PDIA5: variants seen among roughly 807,000 people sequenced by gnomAD.
PDIA5 encodes the protein protein disulfide-isomerase A5.
A neutral mutation model predicts 77.6 loss-of-function variants in PDIA5; 58 were observed. The ratio of observed to expected loss-of-function variants is 0.75; its 90% CI spans 0.61 to 0.93. The LOEUF is 0.93. PDIA5 is among the 40% of genes least tolerant of loss of function. PDIA5 has a pLI of 0.00. For missense variants in PDIA5, 630 were observed against 647.7 expected, an observed-to-expected ratio of 0.97 and a Z score of 0.30; for synonymous variants, 250 against 252.1, an observed-to-expected ratio of 0.99 and a Z score of 0.08.
At chr3:123,102,873 G>A (rs1292447666) in intron 5 of PDIA5, 77 bp downstream of exon 5, 1 of 905,338 alleles carries the variant, frequency 1.1e-6, no homozygotes, top group Non-Finnish European at 1.9e-6. Context: ...TTCTCTCTGA[G>A]AAAAGAAAGG....
At chr3:123,142,715 G>T (rs115744720) in intron 11 of PDIA5, among the ~76,000 whole-genome samples, 2 of 152,118 alleles carry the variant, frequency 1.3e-5, no homozygotes, top group South Asian at 2.1e-4. Context: ...GGCAGCCTCT[G>T]GGGGGGCCGA....
At chr3:123,148,210 A>G (rs1935811692) in intron 13 of PDIA5, among the ~76,000 whole-genome samples, 1 of 152,144 alleles carries the variant, frequency 6.6e-6, no homozygotes, top group Admixed American at 6.5e-5. Context: ...AGACTTGTCT[A>G]GGGAATTAAA....
At chr3:123,072,902 A>G (rs1158493936) in intron 1 of PDIA5, among the ~76,000 whole-genome samples, 1 of 101,908 alleles carries the variant, frequency 9.8e-6, no homozygotes, top group Non-Finnish European at 2.0e-5. Flanking sequence ...TTTGCCCCCT[A>G]CCTCTCCTTC....
intron 3 of PDIA5, among the ~76,000 whole-genome samples, chr3:123,100,589 T>G (rs1198200125): frequency 6.6e-6 from 1 of 152,168 alleles, no homozygotes; most frequent in Non-Finnish European, 1.5e-5. Flanking sequence ...CAGCGATGGC[T>G]AGACAGCTGG....
Position 123,146,220 on chromosome 3 carries a change from T to A in PDIA5, c.1103T>A (p.Val368Glu), listed in dbSNP as rs763440197. The A allele has an allele frequency of 6.2e-7, 1 of 1,614,186 alleles. No homozygotes were observed. The highest frequency in any genetic ancestry group is 1.1e-5 in the South Asian group (1 of 91,074). Reference sequence around the variant, plus strand: ...AATGGAGAGAAATACGCAGTGCCTGTGCTCAGGACAAAGAAGAAGTTTCTC... The same window carrying A: ...AATGGAGAGAAATACGCAGTGCCTGAGCTCAGGACAAAGAAGAAGTTTCTC... Reference protein sequence around the residue: ...FKNGEKYAVPVLRTKKKFLEW... With the variant: ...FKNGEKYAVPELRTKKKFLEW... The change falls in exon 13 of 17, where the codon GTG becomes GAG. Residue 368 changes from valine to glutamate, a missense_variant. By Grantham distance (121) the Val-to-Glu change is moderately radical. Transcript: ENST00000316218.
chr3:123,075,990 C>T (rs953561210), intron 1 of PDIA5, among the ~76,000 whole-genome samples: 3 of 152,132 alleles, frequency 2.0e-5, no homozygotes, highest in African/African-American at 7.2e-5. Flanking sequence ...TGTCACTTGG[C>T]CTGAGCATGT....
intron 2 of PDIA5, among the ~76,000 whole-genome samples, chr3:123,091,966 T>C (rs1576438525): frequency 1.3e-5 from 2 of 152,386 alleles, no homozygotes; most frequent in South Asian, 4.1e-4. Context: ...GCTTTAGTTA[T>C]AGGATTGTCA....
chr3:123,137,162 G>A (rs1328288606), intron 11 of PDIA5, among the ~76,000 whole-genome samples: 1 of 152,190 alleles, frequency 6.6e-6, no homozygotes, highest in Non-Finnish European at 1.5e-5. Flanking sequence ...AAACCCAGCG[G>A]GTGACAGAGC....
chr3:123,154,516 A>C lies in PDIA5; in HGVS notation c.1274-455A>C, dbSNP rs545654698. Among the ~76,000 whole-genome samples, 228 of 152,192 alleles carry C rather than the reference A, an allele frequency of 1.5e-3. 1 individual carries two copies. Among genetic ancestry groups the C allele is most frequent in the African/African-American group, 2.3e-3 (97 of 41,540 alleles). On this transcript the variant is annotated intron_variant, in intron 14 of 16. Coordinates refer to ENST00000316218, the MANE Select transcript of PDIA5 (RefSeq NM_006810.4). Reference sequence around the variant, plus strand: ...GCAGTGGGTGCAGAGTAGTTGCCCCAAAATCCCCCCACCCTGCATTTCCCA... The same window carrying C: ...GCAGTGGGTGCAGAGTAGTTGCCCCCAAATCCCCCCACCCTGCATTTCCCA...
intron 1 of PDIA5, among the ~76,000 whole-genome samples, chr3:123,084,763 G>A (rs931128011): frequency 6.6e-6 from 1 of 152,132 alleles, no homozygotes; most frequent in African/African-American, 2.4e-5. Flanking sequence ...ACTTACCTAT[G>A]AATAGTCATT....
At chr3:123,071,876 A>C (rs1297751901) in intron 1 of PDIA5, among the ~76,000 whole-genome samples, 1 of 152,174 alleles carries the variant, frequency 6.6e-6, no homozygotes, top group African/African-American at 2.4e-5. Context: ...TGATGGAACT[A>C]ATGTCACAGG....
chr3:123,077,409 A>G (rs1933882898), intron 1 of PDIA5, among the ~76,000 whole-genome samples: 1 of 152,168 alleles, frequency 6.6e-6, no homozygotes, highest in South Asian at 2.1e-4. Context: ...ATTTGGAATT[A>G]AAGGATCCTC....
chr3:123,151,995 G>GCCTT (rs1174692027), intron 14 of PDIA5, among the ~76,000 whole-genome samples: 6 of 65,710 alleles, frequency 9.1e-5, no homozygotes, highest in South Asian at 4.4e-4. Flanking sequence ...CTGCCTTCCT[G>GCCTT]CCTTCCTTCC....
intron 14 of PDIA5, among the ~76,000 whole-genome samples, chr3:123,152,310 C>G (rs1560563171): frequency 6.6e-6 from 1 of 152,162 alleles, no homozygotes; most frequent in African/African-American, 2.4e-5. Context: ...TCTACCCTGA[C>G]AAAATTCTAA....
chr3:123,148,644 G>A (rs930607799), intron 13 of PDIA5, among the ~76,000 whole-genome samples: 1 of 151,900 alleles, frequency 6.6e-6, no homozygotes, highest in Non-Finnish European at 1.5e-5. Context: ...CAATACATAA[G>A]TGATCACAGC....
rs370287317 is a variant in PDIA5 at position 123,105,655 on chromosome 3, C to T, written c.388-1094C>T. Among the ~76,000 whole-genome samples, 30 of 152,222 alleles carry T rather than the reference C, an allele frequency of 2.0e-4. No homozygotes were observed. The East Asian group carries it at 2.5e-3, about 13-fold the overall frequency. On this transcript the variant is annotated intron_variant, in intron 5 of 16. Coordinates refer to ENST00000316218, the MANE Select transcript of PDIA5 (RefSeq NM_006810.4). ...TTTCCAGAAATAATAAGGTCCTCTC[C>T]GTGTGTGACCAGTGGATGGGCTGAA...
intron 8 of PDIA5, among the ~76,000 whole-genome samples, chr3:123,120,587 C>G (rs1389394934): frequency 6.6e-6 from 1 of 152,270 alleles, no homozygotes; most frequent in African/African-American, 2.4e-5. Context: ...GTGACCACAT[C>G]TCTGTCCATA....
At position 123,161,861 on chromosome 3, in the gene PDIA5, C is replaced by T. The variant is rs933023636; in HGVS notation, c.1480-19C>T. ...GGATTAAAGCTCTTTCTCTCTCTCT[C>T]TCTCCCACTTCCCTGCAGGAATTGG... On this transcript the variant is annotated intron_variant, in intron 16 of 16. Coordinates refer to ENST00000316218, the MANE Select transcript of PDIA5 (RefSeq NM_006810.4). 6.0e-6 allele frequency: 9 copies of T among 1,497,582 alleles called. No homozygotes were observed. The highest frequency in any genetic ancestry group is 6.5e-6 in the Non-Finnish European group (7 of 1,074,142). 92.8% of individuals were successfully genotyped at this position (1,497,582 alleles called of 1,614,324 possible). A position where few individuals can be genotyped will look rare whatever the true frequency, so the allele number is the denominator to read the frequency against.
At chr3:123,068,526 G>A (rs909610084) in intron 1 of PDIA5, among the ~76,000 whole-genome samples, 7 of 152,188 alleles carry the variant, frequency 4.6e-5, no homozygotes, top group Admixed American at 1.3e-4. Flanking sequence ...TGGTCTGGGC[G>A]GGTCTCTGGG....
Sources: gnomAD v4.1 joint callset for allele counts (sites outside exome capture counted in the v4.1 genomes callset) on GRCh38, gnomAD v4.1.1 for gene constraint, MANE v1.5 for transcripts, NCBI Gene and HGNC (gene_info 2026-07-23, HGNC 2026-07-21) for gene names.